The following MLF1 variants were observed in gnomAD, a reference collection of about 807,000 sequenced individuals.
The protein encoded by MLF1 is myelodysplasia-myeloid leukemia factor 1.
A neutral mutation model predicts 38.3 loss-of-function variants in MLF1; 37 were observed. The ratio of observed to expected loss-of-function variants is 0.96; its 90% CI spans 0.74 to 1.27. MLF1 has a LOEUF of 1.27. Among genes scored for constraint, MLF1 ranks in the 50% most tolerant of loss-of-function variants. MLF1 has a pLI of 0.00. For missense variants in MLF1, 331 were observed against 349.2 expected, an observed-to-expected ratio of 0.95 and a Z score of 0.42; for synonymous variants, 95 against 106.5, an observed-to-expected ratio of 0.89 and a Z score of 0.66.
At chr3:158,588,802 A>G (rs1302949546) in intron 1 of MLF1, 2 of 448,916 alleles carry the variant, frequency 4.5e-6, no homozygotes, top group African/African-American at 2.0e-5. Context: ...CAATTAAGAC[A>G]TAAGCTTCTA....
Position 158,571,288 on chromosome 3 carries a change from A to T in MLF1, c.-13A>T, listed in dbSNP as rs1012679625. ...ATCTGTCCGCGGCTGCCGCCACCCA[A>T]GACAGAGCCAGAATGTTCAGGATGC... On this transcript the variant is annotated 5_prime_UTR_variant, in exon 1 of 8. The change creates a new upstream start codon in the 5' untranslated region. Transcript: ENST00000466246. The T allele has an allele frequency of 1.2e-6, 2 of 1,609,272 alleles. No homozygotes were observed. Among genetic ancestry groups the T allele is most frequent in the East Asian group, 4.5e-5 (2 of 44,776 alleles).
At chr3:158,574,045 T>G (rs959507328) in intron 1 of MLF1, among the ~76,000 whole-genome samples, 3 of 152,118 alleles carry the variant, frequency 2.0e-5, no homozygotes, top group African/African-American at 7.2e-5. Flanking sequence ...GTGATCTGCC[T>G]CCCTCGGCCT....
chr3:158,573,537 G>A (rs1714906000), intron 1 of MLF1: 1 of 151,900 alleles, frequency 6.6e-6, no homozygotes, highest in Non-Finnish European at 1.5e-5. Flanking sequence ...TTATTTTTGA[G>A]TTGTGGGATT....
intron 1 of MLF1, chr3:158,582,805 T>TTTG (rs1308072532): frequency 3.1e-6 from 2 of 639,696 alleles, no homozygotes; most frequent in East Asian, 5.7e-5. Flanking sequence ...ATTTGGTGAA[T>TTTG]TTGTTGACAG....
chr3:158,575,091 A>G (rs1250774556), intron 1 of MLF1, among the ~76,000 whole-genome samples: 2 of 152,194 alleles, frequency 1.3e-5, no homozygotes, highest in African/African-American at 4.8e-5. Flanking sequence ...ACAGACTACA[A>G]ATAGTAAGCA....
In MLF1 at chr3:158,599,377, A is replaced by G. The variant is rs111946864; in HGVS notation, c.454-637A>G. Among the ~76,000 whole-genome samples, 1,116 of 152,306 alleles carry G rather than the reference A, an allele frequency of 7.3e-3. 15 individuals are homozygous for G. Among genetic ancestry groups the G allele is most frequent in the African/African-American group, 0.026 (1,082 of 41,564 alleles). On this transcript the variant is annotated intron_variant, in intron 5 of 7. Transcript: ENST00000466246. ...TACTTCCTTGTTAGTACTTATAGTA[A>G]AAATTTAGGTTTACCAATCTAATGA...
intron 1 of MLF1, among the ~76,000 whole-genome samples, chr3:158,578,183 T>G (rs572378517): frequency 1.3e-5 from 2 of 152,218 alleles, no homozygotes; most frequent in Admixed American, 6.5e-5. Context: ...TTCTTTATGA[T>G]CAAGAGAACC....
At position 158,586,982 on chromosome 3, in the gene MLF1, T is replaced by C. The variant is rs76477687; in HGVS notation, c.48-5452T>C. The stretch of plus-strand genomic sequence containing the variant: ...AGTTCAGGGCTCTATCCCCACTACC[T>C]GGAACCGTGCCTTTTACATATGTGT... On this transcript the variant is annotated intron_variant, in intron 1 of 7. Coordinates refer to ENST00000466246, the MANE Select transcript of MLF1 (RefSeq NM_001369783.1). 5.3e-4 allele frequency among the ~76,000 whole-genome samples: 81 copies of C among 152,364 alleles called. 1 individual carries two copies. In the South Asian group the frequency reaches 0.012, roughly 23 times the overall value.
In MLF1 at chr3:158,571,337, C is replaced by T. The variant is rs769067113; in HGVS notation, c.37C>T (p.Pro13Ser). 1 of 1,613,096 alleles carries T rather than the reference C, an allele frequency of 6.2e-7. No homozygotes were observed. The highest frequency in any genetic ancestry group is 8.5e-7 in the Non-Finnish European group (1 of 1,179,918). Residue 13 changes from proline to serine, a missense_variant, in exon 1 of 8, where the codon CCC becomes TCC. Coordinates refer to ENST00000466246, the MANE Select transcript of MLF1 (RefSeq NM_001369783.1). ...RMLNSSFEDDPFFSESILAHR... is the reference protein window; with the variant it reads ...RMLNSSFEDDSFFSESILAHR... ...GCTGAACAGCAGTTTTGAGGATGACCCCTTCTTCTCGTGAGTTACGGGAGC... is the reference window on the plus strand; with the variant it reads ...GCTGAACAGCAGTTTTGAGGATGACTCCTTCTTCTCGTGAGTTACGGGAGC...
In MLF1 at chr3:158,605,953, A is replaced by G. The variant is rs1422537650; in HGVS notation, c.*751A>G. 1 of 182,792 alleles carries G rather than the reference A, an allele frequency of 5.5e-6. No homozygotes were observed. Among genetic ancestry groups the G allele is most frequent in the Non-Finnish European group, 1.2e-5 (1 of 85,924 alleles). The allele number at this position is 182,792 out of a possible 1,614,324, so 11.3% of individuals were successfully genotyped here. On this transcript the variant is annotated 3_prime_UTR_variant, in exon 8 of 8. Coordinates refer to ENST00000466246, the MANE Select transcript of MLF1 (RefSeq NM_001369783.1). Reference sequence around the variant, plus strand: ...ACTCTCCTTTCCCACAAACAGCTTCATCTGTCTCCAAGGTTAACATTCTGA... The same window carrying G: ...ACTCTCCTTTCCCACAAACAGCTTCGTCTGTCTCCAAGGTTAACATTCTGA...
At chr3:158,584,970 T>C (rs28856044) in intron 1 of MLF1, among the ~76,000 whole-genome samples, 34,229 of 147,138 alleles carry the variant, frequency 0.23, 5,367 homozygotes, top group African/African-American at 0.45. Flanking sequence ...CCTGGGTGTT[T>C]AAGGTTGCAG....
intron 1 of MLF1, 41 bp from the exon 2 acceptor site, chr3:158,592,393 T>TC: frequency 6.4e-7 from 1 of 1,556,464 alleles, no homozygotes; most frequent in Non-Finnish European, 8.7e-7. Context: ...CTATTTAAAC[T>TC]CCAACACTGA....
intron 1 of MLF1, among the ~76,000 whole-genome samples, chr3:158,584,573 A>C (rs1716908278): frequency 6.6e-6 from 1 of 152,162 alleles, no homozygotes; most frequent in African/African-American, 2.4e-5. Context: ...CAAGAATTTT[A>C]AATCAGTTGT....
chr3:158,573,369 G>T (rs1438324585), intron 1 of MLF1: 5 of 136,362 alleles, frequency 3.7e-5, no homozygotes, highest in Non-Finnish European at 7.9e-5. Flanking sequence ...CTGATGGGGC[G>T]GGGCGGGGGG....
intron 5 of MLF1, among the ~76,000 whole-genome samples, chr3:158,599,493 T>A (rs1398096352): frequency 6.6e-6 from 1 of 152,196 alleles, no homozygotes; most frequent in Non-Finnish European, 1.5e-5. Context: ...ATCTCAGACA[T>A]TTTAATTTTA....
chr3:158,574,154 A>G (rs1715011319), intron 1 of MLF1, among the ~76,000 whole-genome samples: 1 of 152,230 alleles, frequency 6.6e-6, no homozygotes, highest in Non-Finnish European at 1.5e-5. Flanking sequence ...AATTTAAAGC[A>G]AAATAACATT....
At chr3:158,597,515 C>T (rs1266615501) in intron 4 of MLF1, among the ~76,000 whole-genome samples, 1 of 152,080 alleles carries the variant, frequency 6.6e-6, no homozygotes, top group East Asian at 1.9e-4. Context: ...ACATCAAAAC[C>T]AGTCACTTGA....
intron 1 of MLF1, among the ~76,000 whole-genome samples, chr3:158,582,243 G>T (rs1025766398): frequency 6.6e-6 from 1 of 151,912 alleles, no homozygotes; most frequent in Non-Finnish European, 1.5e-5. Flanking sequence ...AACAGCTTAG[G>T]AGAGAATCTC....
intron 3 of MLF1, among the ~76,000 whole-genome samples, chr3:158,594,982 A>G (rs146311490): frequency 1.6e-4 from 24 of 152,286 alleles, no homozygotes; most frequent in African/African-American, 5.5e-4. Context: ...TCATTCATTC[A>G]TTCCGCAAAT....
Sources: allele counts gnomAD v4.1 joint callset (sites outside exome capture counted in the v4.1 genomes callset), GRCh38; gene constraint gnomAD v4.1.1; transcripts MANE v1.5; gene names NCBI Gene and HGNC (gene_info 2026-07-23, HGNC 2026-07-21).